BICC1: variants seen among roughly 807,000 people sequenced by gnomAD.
The protein encoded by BICC1 is BicC family RNA binding protein 1.
BICC1 carries 43 observed loss-of-function variants against 111.0 expected under a neutral mutation model. The ratio of observed to expected loss-of-function variants is 0.39; its 90% CI spans 0.30 to 0.50. The LOEUF is 0.50. Among genes scored for constraint, BICC1 ranks in the 20% least tolerant of loss-of-function variants. The pLI, the probability that BICC1 is intolerant of heterozygous loss-of-function variation, is 0.88. For synonymous variants in BICC1, 467 were observed against 434.4 expected (o/e 1.07, Z -0.93); for missense variants, 1,091 against 1,203.2 (o/e 0.91, Z 1.38).
chr10:58,555,305 C>CTTTTTTTTTTTTTT (rs1564485963), intron 1 of BICC1, among the ~76,000 whole-genome samples: 2 of 93,828 alleles, frequency 2.1e-5, no homozygotes, highest in African/African-American at 4.4e-5. Flanking sequence ...GGCTGTTGGA[C>CTTTTTTTTTTTTTT]ATTTTTTTTT....
intron 1 of BICC1, among the ~76,000 whole-genome samples, chr10:58,593,443 T>C (rs1844701359): frequency 6.6e-6 from 1 of 152,118 alleles, no homozygotes; most frequent in African/African-American, 2.4e-5. Context: ...GTATCCTGAC[T>C]GGGAGACACC....
intron 1 of BICC1, among the ~76,000 whole-genome samples, chr10:58,607,341 T>TAAATAAATAAATAAATAAAG (rs879657768): frequency 6.6e-6 from 1 of 151,710 alleles, no homozygotes; most frequent in Non-Finnish European, 1.5e-5. Context: ...AATAAATAAA[T>TAAATAAATAAATAAATAAAG]AAAACTGTCA....
intron 3 of BICC1, among the ~76,000 whole-genome samples, chr10:58,773,357 T>C (rs1486400856): frequency 2.6e-5 from 4 of 152,194 alleles, no homozygotes; most frequent in South Asian, 2.1e-4. Context: ...ATGGGTGTTG[T>C]GTCAGTCTCA....
intron 3 of BICC1, chr10:58,715,634 G>A (rs1840716623): frequency 1.2e-6 from 2 of 1,605,674 alleles, no homozygotes; most frequent in East Asian, 4.5e-5. Flanking sequence ...AGTCTTCAGG[G>A]CCAACAATAC....
At chr10:58,688,203 T>C (rs986844231) in intron 2 of BICC1, among the ~76,000 whole-genome samples, 20 of 152,054 alleles carry the variant, frequency 1.3e-4, no homozygotes, top group African/African-American at 4.8e-4. Context: ...GGGACCCAAG[T>C]GGGTTGCCGC....
In BICC1 at chr10:58,562,164, T is replaced by G. The variant is rs575567897; in HGVS notation, c.190+48831T>G. On this transcript the variant is annotated intron_variant, in intron 1 of 20. Coordinates refer to ENST00000373886, the MANE Select transcript of BICC1 (RefSeq NM_001080512.3). ...GTATCTTTTCCATGACTTGGGATAT[T>G]TTCAGCTAGTATTTCATTAAATATA... Among the ~76,000 whole-genome samples the G allele has an allele frequency of 7.2e-4, 110 of 152,322 alleles. No individual in the cohort carries two copies. The Middle Eastern group carries it at 0.01, about 14-fold the overall frequency.
intron 3 of BICC1, among the ~76,000 whole-genome samples, chr10:58,742,555 A>C (rs1250019329): frequency 6.9e-6 from 1 of 145,846 alleles, no homozygotes; most frequent in Non-Finnish European, 1.5e-5. Context: ...CTCCTGCCCC[A>C]GCCTCCCAAG....
chr10:58,830,882 T>A lies in BICC1; in HGVS notation c.*1991T>A, dbSNP rs1018936342. 2 of 152,206 alleles carry A rather than the reference T, an allele frequency of 1.3e-5. No homozygotes were observed. Among genetic ancestry groups the A allele is most frequent in the African/African-American group, 4.8e-5 (2 of 41,446 alleles). The allele number at this position is 152,206 out of a possible 1,614,324, so 9.4% of individuals were successfully genotyped here. A position where few individuals can be genotyped will look rare whatever the true frequency, so the allele number is the denominator to read the frequency against. On this transcript the variant is annotated 3_prime_UTR_variant, in exon 21 of 21. Coordinates refer to ENST00000373886, the MANE Select transcript of BICC1 (RefSeq NM_001080512.3). ...GTACAGGTTAACAATACCAGATTTA[T>A]GTCCTGTTCAACAACTCAGTACTCT...
intron 1 of BICC1, among the ~76,000 whole-genome samples, chr10:58,559,681 GC>G: frequency 6.6e-6 from 1 of 152,048 alleles, no homozygotes; most frequent in African/African-American, 2.4e-5. Context: ...TTAGAGGAAA[GC>G]CTTTCACATT....
At chr10:58,768,902 CA>C (rs1842533562) in intron 3 of BICC1, among the ~76,000 whole-genome samples, 1 of 151,914 alleles carries the variant, frequency 6.6e-6, no homozygotes, top group African/African-American at 2.4e-5. Context: ...AACTGCAAAA[CA>C]ATCAGAAAAC....
chr10:58,795,657 T>A (rs984529742), intron 9 of BICC1, among the ~76,000 whole-genome samples: 1 of 152,184 alleles, frequency 6.6e-6, no homozygotes, highest in Non-Finnish European at 1.5e-5. Flanking sequence ...ACAATTTTTT[T>A]TTTTTTTGGT....
chr10:58,715,692 C>T, intron 3 of BICC1: 1 of 1,588,750 alleles, frequency 6.3e-7, no homozygotes, highest in South Asian at 1.1e-5. Flanking sequence ...AGTAAAAGAG[C>T]AACTAGAAAA....
intron 1 of BICC1, among the ~76,000 whole-genome samples, chr10:58,571,986 C>T (rs1415246025): frequency 3.9e-5 from 6 of 152,088 alleles, no homozygotes; most frequent in African/African-American, 1.2e-4. Flanking sequence ...TCCACAATCT[C>T]GCAAGCATCT....
At chr10:58,790,919 T>C (rs1843156948) in intron 8 of BICC1, among the ~76,000 whole-genome samples, 1 of 152,218 alleles carries the variant, frequency 6.6e-6, no homozygotes, top group Admixed American at 6.5e-5. Context: ...AAAACACCAT[T>C]GTATTCTCTC....
At position 58,639,048 on chromosome 10, in the gene BICC1, G is replaced by A. The variant is rs147966204; in HGVS notation, c.237+18147G>A. On this transcript the variant is annotated intron_variant, in intron 2 of 20. Coordinates refer to ENST00000373886, the MANE Select transcript of BICC1 (RefSeq NM_001080512.3). Reference sequence around the variant, plus strand: ...GAATAGCTAAATCAAGCTAATTAACGTATGCATTACTTCATATAATTATCT... The same window carrying A: ...GAATAGCTAAATCAAGCTAATTAACATATGCATTACTTCATATAATTATCT... Among the ~76,000 whole-genome samples, 37 of 151,882 alleles carry A rather than the reference G, an allele frequency of 2.4e-4. No individual in the cohort carries two copies. The East Asian group carries it at 2.9e-3, about 12-fold the overall frequency.
chr10:58,676,581 G>C (rs1350220704), intron 2 of BICC1, among the ~76,000 whole-genome samples: 1 of 152,174 alleles, frequency 6.6e-6, no homozygotes, highest in East Asian at 1.9e-4. Context: ...ATCTCCCTGG[G>C]ACAGAGCACC....
intron 3 of BICC1, among the ~76,000 whole-genome samples, chr10:58,771,004 A>G (rs1398386692): frequency 6.6e-6 from 1 of 152,234 alleles, no homozygotes; most frequent in Non-Finnish European, 1.5e-5. Context: ...TGCTAAGCCC[A>G]TTATGTTATC....
At chr10:58,803,773 T>C (rs2132885813) in intron 15 of BICC1, among the ~76,000 whole-genome samples, 1 of 152,354 alleles carries the variant, frequency 6.6e-6, no homozygotes, top group South Asian at 2.1e-4. Context: ...ATAATTTTTA[T>C]GATTAAACAA....
chr10:58,748,780 CT>C (rs1841907011), intron 3 of BICC1, among the ~76,000 whole-genome samples: 1 of 152,152 alleles, frequency 6.6e-6, no homozygotes, highest in African/African-American at 2.4e-5. Flanking sequence ...GCCCTACCCC[CT>C]GAGACTCTAA....
Sources: gnomAD v4.1 joint callset for allele counts (sites outside exome capture counted in the v4.1 genomes callset) on GRCh38, gnomAD v4.1.1 for gene constraint, MANE v1.5 for transcripts, NCBI Gene and HGNC (gene_info 2026-07-23, HGNC 2026-07-21) for gene names.